Variants in PDSS2 observed in about 807,000 individuals in gnomAD.
PDSS2 encodes all trans-polyprenyl-diphosphate synthase PDSS2.
PDSS2 carries 31 observed loss-of-function variants against 44.5 expected under a neutral mutation model. The ratio of observed to expected loss-of-function variants is 0.70; its 90% CI spans 0.52 to 0.94. The LOEUF (loss-of-function observed/expected upper bound fraction) is 0.94, where lower values mean the gene tolerates loss of function less well. PDSS2 is among the 40% of genes least tolerant of loss of function. The pLI, the probability that PDSS2 is intolerant of heterozygous loss-of-function variation, is 0.00. For missense variants in PDSS2, 452 were observed against 482.2 expected (o/e 0.94, Z 0.59); for synonymous variants, 157 against 180.3 (o/e 0.87, Z 1.03).
intron 1 of PDSS2, among the ~76,000 whole-genome samples, chr6:107,386,379 T>TAA (rs57917321): frequency 1.9e-3 from 268 of 143,458 alleles, no homozygotes; most frequent in Middle Eastern, 7.0e-3. Flanking sequence ...TGTCATTTTC[T>TAA]AAAAAAAAAA....
intron 1 of PDSS2, among the ~76,000 whole-genome samples, chr6:107,457,715 C>T (rs1194856439): frequency 6.6e-6 from 1 of 152,138 alleles, no homozygotes; most frequent in African/African-American, 2.4e-5. Context: ...AGAGATATAA[C>T]AACTAAACGC....
chr6:107,389,983 C>A (rs1779730832), intron 1 of PDSS2, among the ~76,000 whole-genome samples: 1 of 151,836 alleles, frequency 6.6e-6, no homozygotes, highest in Non-Finnish European at 1.5e-5. Context: ...CTCCCAATGG[C>A]CAAAGCTGGA....
chr6:107,238,498 T>C (rs904591358), intron 4 of PDSS2, among the ~76,000 whole-genome samples: 3 of 152,188 alleles, frequency 2.0e-5, no homozygotes, highest in Non-Finnish European at 4.4e-5. Context: ...GAATCCCCTC[T>C]CAGTGGAGTC....
chr6:107,374,875 T>A (rs972052971), intron 1 of PDSS2, among the ~76,000 whole-genome samples: 3 of 152,150 alleles, frequency 2.0e-5, no homozygotes, highest in African/African-American at 7.2e-5. Context: ...TTTCCGATTT[T>A]GAGTTCACTA....
chr6:107,172,729 G>A (rs992337287), intron 7 of PDSS2, among the ~76,000 whole-genome samples: 3 of 151,904 alleles, frequency 2.0e-5, no homozygotes, highest in Non-Finnish European at 4.4e-5. Flanking sequence ...GGATAAGTGG[G>A]TCACAATAAG....
chr6:107,208,140 C>T (rs544778880), intron 6 of PDSS2, among the ~76,000 whole-genome samples: 96 of 151,040 alleles, frequency 6.4e-4, no homozygotes, highest in African/African-American at 2.1e-3. Flanking sequence ...ACATGAGTCA[C>T]CAAGCCTGGC....
At chr6:107,335,712 T>C (rs1307301137) in intron 1 of PDSS2, among the ~76,000 whole-genome samples, 2 of 152,158 alleles carry the variant, frequency 1.3e-5, no homozygotes, top group African/African-American at 4.8e-5. Flanking sequence ...ATGGCATTGT[T>C]TTAAAAAATT....
At chr6:107,333,447 A>C (rs1777774501) in intron 2 of PDSS2, among the ~76,000 whole-genome samples, 1 of 152,230 alleles carries the variant, frequency 6.6e-6, no homozygotes, top group African/African-American at 2.4e-5. Flanking sequence ...ATGAGATGTA[A>C]AAATTTTTTA....
At chr6:107,200,771 A>G (rs1175475474) in intron 6 of PDSS2, among the ~76,000 whole-genome samples, 2 of 151,936 alleles carry the variant, frequency 1.3e-5, no homozygotes, top group Non-Finnish European at 2.9e-5. Context: ...GGTTCAGGCG[A>G]TTCTCCTACC....
chr6:107,376,695 C>T (rs1220676548), intron 1 of PDSS2, among the ~76,000 whole-genome samples: 1 of 151,894 alleles, frequency 6.6e-6, no homozygotes, highest in Non-Finnish European at 1.5e-5. Flanking sequence ...ACAATCATGT[C>T]GTCTGCAAAC....
intron 1 of PDSS2, among the ~76,000 whole-genome samples, chr6:107,353,456 C>T (rs927890890): frequency 6.6e-6 from 1 of 152,142 alleles, no homozygotes; most frequent in African/African-American, 2.4e-5. Flanking sequence ...AAGCCAATTA[C>T]TCTCCTTCTG....
At chr6:107,261,907 C>A (rs1013810836) in intron 3 of PDSS2, among the ~76,000 whole-genome samples, 2 of 117,104 alleles carry the variant, frequency 1.7e-5, no homozygotes, top group African/African-American at 7.1e-5. Context: ...TCTTTCTTTT[C>A]TTTTTTTTTT....
At chr6:107,364,502 T>C (rs1778899599) in intron 1 of PDSS2, among the ~76,000 whole-genome samples, 1 of 152,234 alleles carries the variant, frequency 6.6e-6, no homozygotes, top group African/African-American at 2.4e-5. Flanking sequence ...AAGTCCCCCA[T>C]TGCCCGGGGC....
chr6:107,347,253 CTTCTT>C (rs1421679988), intron 1 of PDSS2, among the ~76,000 whole-genome samples: 5 of 125,526 alleles, frequency 4.0e-5, no homozygotes, highest in African/African-American at 3.0e-5. Context: ...AAAATTATAT[CTTCTT>C]TTTTTTTTTT....
chr6:107,391,792 G>A lies in PDSS2; in HGVS notation c.297-57460C>T, dbSNP rs191898608. 3.2e-3 allele frequency among the ~76,000 whole-genome samples: 485 copies of A among 151,564 alleles called. 4 individuals carry two copies. Among genetic ancestry groups the A allele is most frequent in the African/African-American group, 0.011 (450 of 41,362 alleles). ...TGTATTAAATAAATATTTACTTTAT[G>A]TTTCTTATGCGCCAGCACTTTTTGA... On this transcript the variant is annotated intron_variant, in intron 1 of 7. Transcript: ENST00000369037.
At chr6:107,262,314 A>G (rs943408730) in intron 3 of PDSS2, among the ~76,000 whole-genome samples, 3 of 152,064 alleles carry the variant, frequency 2.0e-5, no homozygotes, top group African/African-American at 7.2e-5. Context: ...ATCCTCTTCA[A>G]TCTTCATCCT....
intron 3 of PDSS2, among the ~76,000 whole-genome samples, chr6:107,250,180 A>ACCCC (rs56145618): frequency 2.1e-5 from 3 of 142,728 alleles, no homozygotes; most frequent in African/African-American, 7.7e-5. Flanking sequence ...AAAAATACTG[A>ACCCC]CCCCCCCCCG....
At chr6:107,229,429 C>T (rs567202012) in intron 4 of PDSS2, among the ~76,000 whole-genome samples, 32 of 152,216 alleles carry the variant, frequency 2.1e-4, no homozygotes, top group African/African-American at 7.0e-4. Flanking sequence ...GTGATTCACC[C>T]GCCTTGGCCT....
At chr6:107,249,419 A>C (rs919378920) in intron 3 of PDSS2, among the ~76,000 whole-genome samples, 1 of 152,222 alleles carries the variant, frequency 6.6e-6, no homozygotes. Context: ...AACCAAAATC[A>C]GGGACCTCTG....
Sources: allele counts gnomAD v4.1 joint callset (sites outside exome capture counted in the v4.1 genomes callset), GRCh38; gene constraint gnomAD v4.1.1; transcripts MANE v1.5; gene names NCBI Gene and HGNC (gene_info 2026-07-23, HGNC 2026-07-21).